Variants in MAML2 observed in about 807,000 individuals in gnomAD.
The protein encoded by MAML2 is mastermind like transcriptional coactivator 2.
Under a neutral mutation model 96.1 loss-of-function variants are expected in MAML2, and 22 were observed. The ratio of observed to expected loss-of-function variants is 0.23; its 90% CI spans 0.16 to 0.33. MAML2 has a LOEUF of 0.33. Among genes scored for constraint, MAML2 ranks in the 10% least tolerant of loss-of-function variants. The pLI, the probability that MAML2 is intolerant of heterozygous loss-of-function variation, is 1.00. For missense variants in MAML2, 1,367 were observed against 1,392.4 expected, an observed-to-expected ratio of 0.98 and a Z score of 0.29; for synonymous variants, 561 against 521.3, an observed-to-expected ratio of 1.08 and a Z score of -1.04.
chr11:96,157,936 T>G (rs1861038222), intron 1 of MAML2, among the ~76,000 whole-genome samples: 1 of 152,212 alleles, frequency 6.6e-6, no homozygotes, highest in Admixed American at 6.5e-5. Flanking sequence ...ACCCTCAAAT[T>G]ACCTTTTCCA....
At chr11:96,090,852 T>C (rs1859692399) in intron 2 of MAML2, among the ~76,000 whole-genome samples, 1 of 152,224 alleles carries the variant, frequency 6.6e-6, no homozygotes, top group Non-Finnish European at 1.5e-5. Context: ...CCACGAAAAC[T>C]ACTCTAGGAA....
intron 1 of MAML2, among the ~76,000 whole-genome samples, chr11:96,274,159 T>A (rs997493240): frequency 4.1e-5 from 6 of 147,120 alleles, no homozygotes; most frequent in Admixed American, 6.9e-5. Flanking sequence ...CTTGGCTCAC[T>A]GCAAGCTCCG....
At chr11:96,298,869 C>T (rs1331790415) in intron 1 of MAML2, among the ~76,000 whole-genome samples, 6 of 145,820 alleles carry the variant, frequency 4.1e-5, no homozygotes, top group African/African-American at 7.5e-5. Context: ...AGTGAAACCC[C>T]GTCTCTACTA....
At chr11:96,106,973 A>G (rs1591016997) in intron 1 of MAML2, among the ~76,000 whole-genome samples, 1 of 34,302 alleles carries the variant, frequency 2.9e-5, no homozygotes, top group East Asian at 1.5e-3. Flanking sequence ...TAACTATGAA[A>G]AGAGTCCTTT....
chr11:96,270,795 T>C (rs74707706), intron 1 of MAML2, among the ~76,000 whole-genome samples: 6,417 of 152,218 alleles, frequency 0.042, 445 homozygotes, highest in African/African-American at 0.15. Context: ...TTGACTGGAT[T>C]GAAAGATGCA....
chr11:96,168,965 C>T (rs1861237812), intron 1 of MAML2, among the ~76,000 whole-genome samples: 2 of 152,192 alleles, frequency 1.3e-5, no homozygotes. Flanking sequence ...TTGAACTACA[C>T]CATAAGTTTC....
At chr11:96,137,943 T>TTCC (rs1169350434) in intron 1 of MAML2, among the ~76,000 whole-genome samples, 9 of 152,180 alleles carry the variant, frequency 5.9e-5, no homozygotes, top group African/African-American at 2.2e-4. Flanking sequence ...CCCCACAATA[T>TTCC]TCCTGTATCC....
intron 2 of MAML2, among the ~76,000 whole-genome samples, chr11:96,042,742 T>G (rs975796682): frequency 1.8e-5 from 2 of 112,524 alleles, no homozygotes; most frequent in East Asian, 6.2e-4. Context: ...ATCGTTAACG[T>G]TCTTTTTTTT....
rs564517791 is a variant in MAML2 at position 96,187,182 on chromosome 11, T to C, written c.514-93665A>G. On this transcript the variant is annotated intron_variant, in intron 1 of 4. Transcript: ENST00000524717. ...TTCATTTGGATACTTTCTCCCCATC[T>C]TTTTTAGAAGCTAAGTGTGATAGCT... Among the ~76,000 whole-genome samples the C allele has an allele frequency of 1.8e-4, 28 of 152,342 alleles. No individual in the cohort carries two copies. In the South Asian group the frequency reaches 4.8e-3, roughly 26 times the overall value.
intron 1 of MAML2, among the ~76,000 whole-genome samples, chr11:96,223,233 T>C (rs1436579191): frequency 6.6e-6 from 1 of 152,136 alleles, no homozygotes; most frequent in Admixed American, 6.5e-5. Context: ...AATATATTAA[T>C]TATGTATGAC....
chr11:96,303,830 C>T (rs970112679), intron 1 of MAML2, among the ~76,000 whole-genome samples: 2 of 152,190 alleles, frequency 1.3e-5, no homozygotes, highest in African/African-American at 2.4e-5. Flanking sequence ...CCTGGCCTCA[C>T]CCAAGGCTGC....
chr11:96,058,960 T>C (rs1295790022), intron 2 of MAML2, among the ~76,000 whole-genome samples: 2 of 152,202 alleles, frequency 1.3e-5, no homozygotes, highest in South Asian at 2.1e-4. Flanking sequence ...TGCACACCTA[T>C]AATCCCAGCT....
intron 2 of MAML2, among the ~76,000 whole-genome samples, chr11:96,082,451 T>G (rs1305579096): frequency 1.3e-5 from 2 of 151,446 alleles, no homozygotes; most frequent in Non-Finnish European, 2.9e-5. Context: ...ATGGAGAGAG[T>G]GAAGGGCTGG....
intron 2 of MAML2, among the ~76,000 whole-genome samples, chr11:95,996,616 C>G (rs189608213): frequency 5.9e-5 from 9 of 152,186 alleles, no homozygotes; most frequent in African/African-American, 2.2e-4. Context: ...TACCATGTAC[C>G]TACTATATAC....
intron 2 of MAML2, among the ~76,000 whole-genome samples, chr11:96,074,071 G>A (rs112236095): frequency 0.014 from 2,056 of 152,182 alleles, 34 homozygotes; most frequent in African/African-American, 0.046. Flanking sequence ...GGTAATAGTA[G>A]GCAGTAGTTT....
At chr11:96,004,821 C>T (rs982523686) in intron 2 of MAML2, among the ~76,000 whole-genome samples, 2 of 152,170 alleles carry the variant, frequency 1.3e-5, no homozygotes, top group African/African-American at 4.8e-5. Flanking sequence ...TCTCTGGCCC[C>T]TATGAGGTGT....
intron 1 of MAML2, among the ~76,000 whole-genome samples, chr11:96,162,939 G>T (rs1290682986): frequency 1.3e-5 from 2 of 152,152 alleles, no homozygotes; most frequent in Non-Finnish European, 2.9e-5. Context: ...ATCATTTCCT[G>T]CTTGGATTAG....
chr11:96,095,304 C>T (rs1412461947), intron 1 of MAML2, among the ~76,000 whole-genome samples: 1 of 152,102 alleles, frequency 6.6e-6, no homozygotes, highest in Non-Finnish European at 1.5e-5. Flanking sequence ...GAAAAATCTG[C>T]TTTTTGTCAT....
intron 2 of MAML2, among the ~76,000 whole-genome samples, chr11:96,003,383 T>C (rs1396483997): frequency 6.6e-6 from 1 of 152,168 alleles, no homozygotes; most frequent in Non-Finnish European, 1.5e-5. Flanking sequence ...GTTTTAATTA[T>C]TATTCACATT....
Sources: allele counts gnomAD v4.1 joint callset (sites outside exome capture counted in the v4.1 genomes callset), GRCh38; gene constraint gnomAD v4.1.1; transcripts MANE v1.5; gene names NCBI Gene and HGNC (gene_info 2026-07-23, HGNC 2026-07-21).